Variants in TRIM4 observed in about 807,000 individuals in gnomAD.
TRIM4 encodes E3 ubiquitin-protein ligase TRIM4.
In TRIM4, 29 loss-of-function variants were observed where a neutral mutation model predicts 33.7. The ratio of observed to expected loss-of-function variants is 0.86; its 90% CI spans 0.64 to 1.17. TRIM4 has a LOEUF of 1.17. Among genes scored for constraint, TRIM4 ranks in the 50% most tolerant of loss-of-function variants. The pLI, the probability that TRIM4 is intolerant of heterozygous loss-of-function variation, is 0.00. For missense variants in TRIM4, 554 were observed against 593.7 expected (o/e 0.93, Z 0.69); for synonymous variants, 224 against 233.0 (o/e 0.96, Z 0.35).
intron 2 of TRIM4, 141 bp downstream of exon 2, chr7:99,909,424 T>G: frequency 1.6e-6 from 1 of 620,710 alleles, no homozygotes; most frequent in Non-Finnish European, 2.8e-6. Context: ...TCACATGATA[T>G]GGAGGAAACA....
intron 1 of TRIM4, chr7:99,918,006 A>C (rs1322694710): frequency 4.9e-6 from 1 of 202,986 alleles, no homozygotes; most frequent in East Asian, 1.9e-4. Flanking sequence ...AACCCATGAG[A>C]TAGGACAGAT....
chr7:99,909,806 C>CACT, intron 1 of TRIM4, 146 bp from the exon 2 acceptor site: 1 of 650,000 alleles, frequency 1.5e-6, no homozygotes. Flanking sequence ...GATCATGGCT[C>CACT]ACTACAGCCT....
chr7:99,894,698 GAAAA>G (rs990518522), intron 5 of TRIM4, among the ~76,000 whole-genome samples: 1 of 148,998 alleles, frequency 6.7e-6, no homozygotes, highest in African/African-American at 2.5e-5. Flanking sequence ...AGAAAAGAAA[GAAAA>G]GAAACAAAAC....
rs140032652 is a variant in TRIM4 at position 99,909,133 on chromosome 7, GGTGT to G, written c.490-325_490-322del. The stretch of plus-strand genomic sequence containing the variant: ...TTTACCAAATCTTTAGGAGTGTGAG[GGTGT>G]GTGTGTGTGTGTGTGTGTGTGCGTG... On this transcript the variant is annotated intron_variant, in intron 2 of 5. Coordinates refer to ENST00000349062, the MANE Select transcript of TRIM4 (RefSeq NM_033091.3). Among the ~76,000 whole-genome samples, 910 of 148,498 alleles carry G rather than the reference GGTGT, an allele frequency of 6.1e-3. 3 individuals carry two copies. The highest frequency in any genetic ancestry group is 8.1e-3 in the Non-Finnish European group (544 of 66,996).
chr7:99,904,682 A>T (rs575444934), intron 3 of TRIM4, among the ~76,000 whole-genome samples: 21 of 152,182 alleles, frequency 1.4e-4, no homozygotes, highest in South Asian at 8.3e-4. Flanking sequence ...TCATTTTTTT[A>T]AAAAAACTGG....
chr7:99,918,943 G>A (rs1819623401), intron 1 of TRIM4, 66 bp downstream of exon 1: 1 of 1,501,194 alleles, frequency 6.7e-7, no homozygotes, highest in Non-Finnish European at 8.9e-7. Flanking sequence ...TCTTTTAGGA[G>A]CATTAAGTAA....
rs750783368 is a variant in TRIM4 at position 99,916,329 on chromosome 7, C to G, written c.393+2680G>C. 2.2e-4 allele frequency among the ~76,000 whole-genome samples: 33 copies of G among 152,176 alleles called. 1 individual carries two copies. Among genetic ancestry groups the G allele is most frequent in the Non-Finnish European group, 2.5e-4 (17 of 68,012 alleles). On this transcript the variant is annotated intron_variant, in intron 1 of 5. Coordinates refer to ENST00000349062, the MANE Select transcript of TRIM4 (RefSeq NM_033091.3). Reference sequence around the variant, plus strand: ...CTCTATGTGGTCCTCCTAGGAGAATCTCATCTTCTTACTTCTTCCATGACT... The same window carrying G: ...CTCTATGTGGTCCTCCTAGGAGAATGTCATCTTCTTACTTCTTCCATGACT...
chr7:99,915,728 A>G (rs995674291), intron 1 of TRIM4, among the ~76,000 whole-genome samples: 4 of 152,232 alleles, frequency 2.6e-5, no homozygotes, highest in African/African-American at 9.6e-5. Flanking sequence ...AATTCCGCCC[A>G]GTGACCTGGC....
intron 1 of TRIM4, among the ~76,000 whole-genome samples, chr7:99,910,557 G>A (rs150994864): frequency 6.6e-6 from 1 of 152,242 alleles, no homozygotes; most frequent in African/African-American, 2.4e-5. Flanking sequence ...GAATAAACGT[G>A]TCTATGCGCA....
intron 3 of TRIM4, among the ~76,000 whole-genome samples, chr7:99,905,387 T>C (rs556660544): frequency 6.6e-6 from 1 of 152,356 alleles, no homozygotes; most frequent in African/African-American, 2.4e-5. Flanking sequence ...GATAGAAATG[T>C]ATATAAATGT....
intron 5 of TRIM4, among the ~76,000 whole-genome samples, chr7:99,897,584 C>CA (rs574877214): frequency 1.4e-3 from 213 of 152,176 alleles, no homozygotes; most frequent in African/African-American, 4.6e-3. Flanking sequence ...AAAAAAAGAA[C>CA]AAAAGATTTC....
Position 99,908,635 on chromosome 7 carries a change from G to T in TRIM4, c.667C>A (p.Leu223Ile). The part of the protein sequence containing the change: ...LNQTIASLKK[L>I]ILEVGEKSQA... Reference sequence around the variant, plus strand: ...CTCTTCTCCCCCACCTCTAAGATGAGCTTCTTCAATGAAGCGATAGTTTGA... The same window carrying T: ...CTCTTCTCCCCCACCTCTAAGATGATCTTCTTCAATGAAGCGATAGTTTGA... The change falls in exon 3 of 6, where the codon CTC becomes ATC. Residue 223 changes from leucine to isoleucine, a missense_variant. Physicochemically the swap from Leu to Ile is conservative, Grantham distance 5. Transcript: ENST00000349062. 3 of 1,614,062 alleles carry T rather than the reference G, an allele frequency of 1.9e-6. No individual in the cohort carries two copies. Among genetic ancestry groups the T allele is most frequent in the Non-Finnish European group, 2.5e-6 (3 of 1,180,010 alleles).
At chr7:99,917,889 A>T (rs1039674714) in intron 1 of TRIM4, 1 of 980,142 alleles carries the variant, frequency 1.0e-6, no homozygotes, top group Admixed American at 6.1e-5. Context: ...AAAGGATCTA[A>T]AGGATAGATG....
chr7:99,904,440 C>G (rs1021878868), intron 3 of TRIM4, among the ~76,000 whole-genome samples: 2 of 152,098 alleles, frequency 1.3e-5, no homozygotes, highest in South Asian at 2.1e-4. Flanking sequence ...CAATGACAAC[C>G]AAATGAAATC....
intron 1 of TRIM4, among the ~76,000 whole-genome samples, chr7:99,914,520 C>T (rs533112875): frequency 8.4e-4 from 128 of 152,324 alleles, no homozygotes; most frequent in Non-Finnish European, 1.5e-3. Context: ...TCTTCACTGG[C>T]TTTCCTCTTC....
chr7:99,908,920 G>A lies in TRIM4; in HGVS notation c.490-108C>T, dbSNP rs149813794. On this transcript the variant is annotated intron_variant, in intron 2 of 5. Transcript: ENST00000349062. ...CAGTCAATCCTAATCAAACCCTCTT[G>A]AAAAGCTCCTGCCCACCCCCACTAA... The A allele has an allele frequency of 1.6e-3, 1,607 of 1,031,552 alleles. 21 individuals are homozygous for A. The African/African-American group carries it at 0.024, about 15-fold the overall frequency. 63.9% of individuals were successfully genotyped at this position (1,031,552 alleles called of 1,614,324 possible).
chr7:99,892,807 G>GC, intron 5 of TRIM4, 61 bp from the exon 6 acceptor site: 1 of 1,389,008 alleles, frequency 7.2e-7, no homozygotes, highest in African/African-American at 1.4e-5. Context: ...CCCCAGAAAT[G>GC]CCCATCTTTT....
chr7:99,910,422 A>G (rs1426077643), intron 1 of TRIM4, among the ~76,000 whole-genome samples: 1 of 152,240 alleles, frequency 6.6e-6, no homozygotes, highest in African/African-American at 2.4e-5. Context: ...GAATTATTAA[A>G]TAAATTATGT....
intron 3 of TRIM4, chr7:99,908,278 A>T (rs893192496): frequency 7.9e-6 from 2 of 254,186 alleles, no homozygotes; most frequent in Non-Finnish European, 1.5e-5. Context: ...TTGTTTAATA[A>T]TTATAAATGT....
Sources: allele counts gnomAD v4.1 joint callset (sites outside exome capture counted in the v4.1 genomes callset), GRCh38; gene constraint gnomAD v4.1.1; transcripts MANE v1.5; gene names NCBI Gene and HGNC (gene_info 2026-07-23, HGNC 2026-07-21).